The following WWTR1 variants were observed in gnomAD, a reference collection of about 807,000 sequenced individuals.
The protein encoded by WWTR1 is WW domain-containing transcription regulator protein 1.
A neutral mutation model predicts 40.1 loss-of-function variants in WWTR1; 13 were observed. The ratio of observed to expected loss-of-function variants is 0.32; its 90% CI spans 0.21 to 0.52. The LOEUF is 0.52. WWTR1 is among the 20% of genes least tolerant of loss of function. WWTR1 has a pLI of 0.97. For synonymous variants in WWTR1, 230 were observed against 210.1 expected (o/e 1.09, Z -0.82); for missense variants, 436 against 523.1 (o/e 0.83, Z 1.63).
chr3:149,563,229 G>A (rs1470175245), intron 3 of WWTR1, among the ~76,000 whole-genome samples: 1 of 152,022 alleles, frequency 6.6e-6, no homozygotes, highest in Non-Finnish European at 1.5e-5. Context: ...AACAAAGAAA[G>A]GACTAAAAAA....
At chr3:149,550,725 GCA>G (rs1221490196) in intron 3 of WWTR1, among the ~76,000 whole-genome samples, 2,352 of 113,274 alleles carry the variant, frequency 0.021, 241 homozygotes, top group African/African-American at 0.031. Flanking sequence ...GAAAAACAAA[GCA>G]AAACAAAATA....
chr3:149,685,740 C>T (rs1714626303), intron 1 of WWTR1, among the ~76,000 whole-genome samples: 1 of 152,128 alleles, frequency 6.6e-6, no homozygotes, highest in South Asian at 2.1e-4. Context: ...TTTTTCTTCA[C>T]TCTCACTTCC....
At chr3:149,553,303 G>C (rs1249919027) in intron 3 of WWTR1, among the ~76,000 whole-genome samples, 1 of 152,016 alleles carries the variant, frequency 6.6e-6, no homozygotes, top group Admixed American at 6.6e-5. Context: ...ATCCTTTTTC[G>C]TAGTCATCAA....
Position 149,617,183 on chromosome 3 carries a change from C to T in WWTR1, c.431+39693G>A, listed in dbSNP as rs74391525. On this transcript the variant is annotated intron_variant, in intron 2 of 6. Coordinates refer to ENST00000360632, the MANE Select transcript of WWTR1 (RefSeq NM_015472.6). ...GTTTCCATTTAGGAGCCACCTTGTG[C>T]CATGACAAGGTGGTCACAATTTGAG... Among the ~76,000 whole-genome samples the T allele has an allele frequency of 5.1e-3, 783 of 152,258 alleles. 3 individuals carry two copies. Among genetic ancestry groups the T allele is most frequent in the African/African-American group, 0.018 (760 of 41,548 alleles).
At chr3:149,651,407 T>C (rs1455987038) in intron 2 of WWTR1, among the ~76,000 whole-genome samples, 1 of 152,164 alleles carries the variant, frequency 6.6e-6, no homozygotes. Context: ...AGCTCTGTAG[T>C]GGGCTTAGTG....
chr3:149,593,309 C>T lies in WWTR1; in HGVS notation c.432-20309G>A, dbSNP rs115954131. Among the ~76,000 whole-genome samples, 752 of 152,152 alleles carry T rather than the reference C, an allele frequency of 4.9e-3. 3 individuals are homozygous for T. The highest frequency in any genetic ancestry group is 0.018 in the African/African-American group (729 of 41,510). Reference sequence around the variant, plus strand: ...TTTTGTCTCCACAATGTTAATGCACCGTACACTACTCATGAAGCCCTCATA... The same window carrying T: ...TTTTGTCTCCACAATGTTAATGCACTGTACACTACTCATGAAGCCCTCATA... On this transcript the variant is annotated intron_variant, in intron 2 of 6. Coordinates refer to ENST00000360632, the MANE Select transcript of WWTR1 (RefSeq NM_015472.6).
At chr3:149,553,878 AG>A (rs1736715578) in intron 3 of WWTR1, among the ~76,000 whole-genome samples, 1 of 152,092 alleles carries the variant, frequency 6.6e-6, no homozygotes, top group Non-Finnish European at 1.5e-5. Flanking sequence ...ATGTCTACAG[AG>A]GTAGGAAGAA....
chr3:149,542,664 T>C, intron 3 of WWTR1, 127 bp from the exon 4 acceptor site: 1 of 990,094 alleles, frequency 1.0e-6, no homozygotes, highest in Non-Finnish European at 1.4e-6. Flanking sequence ...ACTTTCCTGT[T>C]AACCATTACT....
At chr3:149,534,654 G>A (rs181112241) in intron 4 of WWTR1, among the ~76,000 whole-genome samples, 143 of 152,238 alleles carry the variant, frequency 9.4e-4, no homozygotes, top group Non-Finnish European at 1.7e-3. Context: ...TTTTCAGAAG[G>A]AAAGCTCTCC....
At chr3:149,558,623 A>AG (rs1314837623) in intron 3 of WWTR1, among the ~76,000 whole-genome samples, 1 of 152,238 alleles carries the variant, frequency 6.6e-6, no homozygotes, top group Non-Finnish European at 1.5e-5. Flanking sequence ...GCCTCCTGAT[A>AG]GGATTCAATG....
chr3:149,618,256 C>G (rs143941175), intron 2 of WWTR1, among the ~76,000 whole-genome samples: 111 of 152,226 alleles, frequency 7.3e-4, no homozygotes, highest in African/African-American at 2.6e-3. Flanking sequence ...AGCTGCCTGC[C>G]CAGGCTGGCT....
At chr3:149,582,284 G>GA (rs764148154) in intron 2 of WWTR1, among the ~76,000 whole-genome samples, 1,474 of 141,074 alleles carry the variant, frequency 0.01, 23 homozygotes, top group African/African-American at 0.034. Flanking sequence ...ACATAAGAAG[G>GA]AAAAAAAAAA....
At chr3:149,656,765 T>C (rs1193543818) in intron 2 of WWTR1, 111 bp downstream of exon 2, 1 of 336,386 alleles carries the variant, frequency 3.0e-6, no homozygotes, top group Non-Finnish European at 3.9e-6. Flanking sequence ...TCTCTCTCTT[T>C]CTCTCTCTCT....
chr3:149,583,358 C>T (rs1738246543), intron 2 of WWTR1, among the ~76,000 whole-genome samples: 1 of 152,106 alleles, frequency 6.6e-6, no homozygotes, highest in Non-Finnish European at 1.5e-5. Context: ...GGTACATCTT[C>T]CATAGGGATT....
chr3:149,640,464 A>G (rs1448810484), intron 2 of WWTR1, among the ~76,000 whole-genome samples: 2 of 152,120 alleles, frequency 1.3e-5, no homozygotes, highest in Admixed American at 6.5e-5. Context: ...TCTGCCCCCA[A>G]AGCTGAAATG....
chr3:149,526,149 C>T (rs188255985), intron 5 of WWTR1, 24 bp from the exon 6 acceptor site: 1 of 1,522,296 alleles, frequency 6.6e-7, no homozygotes, highest in Non-Finnish European at 8.9e-7. Context: ...GATGAAGAAA[C>T]TTCAATATGA....
At chr3:149,531,150 G>A (rs1478067472) in intron 4 of WWTR1, among the ~76,000 whole-genome samples, 1 of 152,118 alleles carries the variant, frequency 6.6e-6, no homozygotes, top group Non-Finnish European at 1.5e-5. Flanking sequence ...GCCCATGCTG[G>A]TCTCGAACTC....
chr3:149,617,455 C>T (rs1740035472), intron 2 of WWTR1, among the ~76,000 whole-genome samples: 1 of 152,210 alleles, frequency 6.6e-6, no homozygotes, highest in African/African-American at 2.4e-5. Flanking sequence ...AGCCACTTTT[C>T]ATTATTTCTA....
chr3:149,626,111 A>C (rs1157085856), intron 2 of WWTR1, among the ~76,000 whole-genome samples: 1 of 152,242 alleles, frequency 6.6e-6, no homozygotes, highest in Non-Finnish European at 1.5e-5. Context: ...GCGCCAGGAA[A>C]CAAAAACATC....
Sources: gnomAD v4.1 joint callset for allele counts (sites outside exome capture counted in the v4.1 genomes callset) on GRCh38, gnomAD v4.1.1 for gene constraint, MANE v1.5 for transcripts, NCBI Gene and HGNC (gene_info 2026-07-23, HGNC 2026-07-21) for gene names.